OPA1: variants seen among roughly 807,000 people sequenced by gnomAD.
OPA1 encodes the protein OPA1 mitochondrial dynamin like GTPase, also known as dynamin-like GTPase OPA1, mitochondrial.
In OPA1, 59 loss-of-function variants were observed where a neutral mutation model predicts 152.9. The observed-to-expected ratio is 0.39, with a 90% CI of 0.31 to 0.48. OPA1 has a LOEUF of 0.48. OPA1 is among the 20% of genes least tolerant of loss of function. OPA1 has a pLI of 0.96. For synonymous variants in OPA1, 400 were observed against 389.9 expected (o/e 1.03, Z -0.31); for missense variants, 1,008 against 1,216.8 (o/e 0.83, Z 2.55).
intron 27 of OPA1, 97 bp downstream of exon 27, chr3:193,665,093 T>G: frequency 1.4e-6 from 1 of 723,898 alleles, no homozygotes; most frequent in Non-Finnish European, 2.5e-6. Context: ...TTTAAGTCCT[T>G]TGATCATCTG....
At chr3:193,654,676 A>G (rs1477807984) in intron 21 of OPA1, among the ~76,000 whole-genome samples, 186 bp from the exon 22 acceptor site, 6 of 152,208 alleles carry the variant, frequency 3.9e-5, no homozygotes, top group Admixed American at 2.6e-4. Flanking sequence ...AGTGGTTACA[A>G]CTTTTGAGGA....
chr3:193,679,807 A>T (rs1424578386), intron 29 of OPA1, among the ~76,000 whole-genome samples: 1 of 152,232 alleles, frequency 6.6e-6, no homozygotes, highest in Non-Finnish European at 1.5e-5. Flanking sequence ...TTATAAATCT[A>T]TGTATGCTCA....
Position 193,692,245 on chromosome 3 carries a change from T to C in OPA1, c.*5+113T>C, listed in dbSNP as rs918511509. The C allele has an allele frequency of 4.4e-6, 3 of 678,908 alleles. No homozygotes were observed. The African/African-American group carries it at 5.4e-5, about 12-fold the overall frequency. 42.1% of individuals were successfully genotyped at this position (678,908 alleles called of 1,614,324 possible). A position where few individuals can be genotyped will look rare whatever the true frequency, so the allele number is the denominator to read the frequency against. The stretch of plus-strand genomic sequence containing the variant: ...TCCTGCTTGTCACTTATGCTGTAAT[T>C]TCAATGGCATGAATCTCTGAAACTA... On this transcript the variant is annotated intron_variant, in intron 30 of 30. Coordinates refer to ENST00000361510, the MANE Select transcript of OPA1 (RefSeq NM_130837.3).
intron 8 of OPA1, among the ~76,000 whole-genome samples, chr3:193,632,946 A>T (rs1430550726): frequency 6.6e-6 from 1 of 152,218 alleles, no homozygotes. Flanking sequence ...AATATCTCTT[A>T]TCTGAGGTGC....
At chr3:193,659,792 C>T (rs1577308309) in intron 25 of OPA1, among the ~76,000 whole-genome samples, 1 of 152,124 alleles carries the variant, frequency 6.6e-6, no homozygotes. Context: ...AAACATGCCC[C>T]TTTTGTGGTT....
intron 23 of OPA1, 150 bp from the exon 24 acceptor site, chr3:193,658,737 G>T (rs182288585): frequency 4.7e-6 from 3 of 636,058 alleles, no homozygotes; most frequent in East Asian, 5.8e-5. Context: ...AGTAAAAGAA[G>T]CTTATGCATT....
chr3:193,683,842 C>T (rs563130200), intron 29 of OPA1, among the ~76,000 whole-genome samples: 4 of 152,166 alleles, frequency 2.6e-5, no homozygotes, highest in South Asian at 2.1e-4. Context: ...TTAAACGCAC[C>T]GGAAAACCAA....
chr3:193,601,535 G>T (rs940991644), intron 1 of OPA1, among the ~76,000 whole-genome samples: 2 of 152,176 alleles, frequency 1.3e-5, no homozygotes, highest in African/African-American at 4.8e-5. Context: ...TGAATCTGTA[G>T]CTCCTGAATA....
intron 10 of OPA1, among the ~76,000 whole-genome samples, chr3:193,637,742 CTATAAACA>C (rs1345203721): frequency 1.3e-5 from 2 of 152,092 alleles, no homozygotes; most frequent in African/African-American, 4.8e-5. Context: ...AAAAATTAGG[CTATAAACA>C]GTGGATCCAG....
chr3:193,666,758 C>G (rs190933476), intron 28 of OPA1, among the ~76,000 whole-genome samples: 14 of 152,046 alleles, frequency 9.2e-5, no homozygotes, highest in African/African-American at 3.4e-4. Context: ...CTACTGCACT[C>G]TAGCCTAGGT....
chr3:193,640,337 G>T (rs536484337), intron 11 of OPA1, among the ~76,000 whole-genome samples: 80 of 152,272 alleles, frequency 5.3e-4, no homozygotes, highest in African/African-American at 1.9e-3. Context: ...AAGAGGGAAA[G>T]CAGAGCAGGA....
At chr3:193,610,986 G>A (rs561855819) in intron 1 of OPA1, among the ~76,000 whole-genome samples, 1 of 152,256 alleles carries the variant, frequency 6.6e-6, no homozygotes, top group African/African-American at 2.4e-5. Flanking sequence ...GTGCTTCCTG[G>A]GTGAGGCGAT....
At chr3:193,660,275 TC>T (rs1714952832) in intron 25 of OPA1, among the ~76,000 whole-genome samples, 1 of 152,172 alleles carries the variant, frequency 6.6e-6, no homozygotes, top group Admixed American at 6.6e-5. Context: ...TAGCTTCTTT[TC>T]CTATCTAGCA....
chr3:193,649,384 C>A (rs1711833438), intron 21 of OPA1, among the ~76,000 whole-genome samples: 1 of 152,140 alleles, frequency 6.6e-6, no homozygotes, highest in Non-Finnish European at 1.5e-5. Flanking sequence ...TTTTCTAAGG[C>A]AAACTGTTAC....
At chr3:193,666,765 A>G (rs1166994837) in intron 28 of OPA1, among the ~76,000 whole-genome samples, 1 of 152,148 alleles carries the variant, frequency 6.6e-6, no homozygotes, top group Non-Finnish European at 1.5e-5. Flanking sequence ...ACTCTAGCCT[A>G]GGTGACAGAG....
chr3:193,630,069 G>A (rs74866403), intron 7 of OPA1, among the ~76,000 whole-genome samples: 7 of 152,178 alleles, frequency 4.6e-5, no homozygotes, highest in Non-Finnish European at 7.3e-5. Flanking sequence ...ATTACAGTGT[G>A]ATGGCATGCC....
intron 21 of OPA1, among the ~76,000 whole-genome samples, chr3:193,651,755 A>G (rs1712511612): frequency 6.6e-6 from 1 of 152,192 alleles, no homozygotes; most frequent in Non-Finnish European, 1.5e-5. Context: ...CCACTTGTGT[A>G]AATACACACA....
intron 1 of OPA1, among the ~76,000 whole-genome samples, chr3:193,601,309 A>G (rs969118663): frequency 1.1e-4 from 17 of 152,110 alleles, no homozygotes; most frequent in Non-Finnish European, 2.9e-5. Context: ...GTTATTGATC[A>G]TTTTGGCCTC....
intron 29 of OPA1, chr3:193,668,845 C>G: frequency 1.9e-6 from 2 of 1,080,780 alleles, no homozygotes; most frequent in South Asian, 5.5e-5. Flanking sequence ...GGATTGCATA[C>G]TAAAATTTAC....
Sources: allele counts gnomAD v4.1 joint callset (sites outside exome capture counted in the v4.1 genomes callset), GRCh38; gene constraint gnomAD v4.1.1; transcripts MANE v1.5; gene names NCBI Gene and HGNC (gene_info 2026-07-23, HGNC 2026-07-21).